The following PHF14 variants were observed in gnomAD, a reference collection of about 807,000 sequenced individuals.
PHF14 encodes the protein PHD finger protein 14.
In PHF14, 55 loss-of-function variants were observed where a neutral mutation model predicts 117.9. The observed-to-expected ratio is 0.47, with a 90% CI of 0.38 to 0.58. The LOEUF is 0.58. Among genes scored for constraint, PHF14 ranks in the 20% least tolerant of loss-of-function variants. PHF14 has a pLI of 0.00. For missense variants in PHF14, 978 were observed against 1,122.2 expected (o/e 0.87, Z 1.84); for synonymous variants, 409 against 368.6 (o/e 1.11, Z -1.26).
At chr7:11,034,221 A>G (rs545866692) in intron 7 of PHF14, among the ~76,000 whole-genome samples, 1 of 151,882 alleles carries the variant, frequency 6.6e-6, no homozygotes, top group African/African-American at 2.4e-5. Context: ...TTGGGTTGTA[A>G]AACTCTACTT....
rs775282192 is a variant in PHF14, at chr7:11,051,665, C to T, written c.2366C>T (p.Ala789Val). 19 of 1,613,290 alleles carry T rather than the reference C, an allele frequency of 1.2e-5. No individual in the cohort carries two copies. The highest frequency in any genetic ancestry group is 1.5e-5 in the Non-Finnish European group (18 of 1,179,594). The change falls in exon 14 of 18, where the codon GCC (alanine) becomes GTC (valine). Residue 789 changes from alanine (A) to valine (V), a missense_variant. Ala to Val is a moderately conservative substitution (Grantham distance 64). Transcript: ENST00000634607. Reference sequence around the variant, plus strand: ...AGCAGTGACATGGAAGCAGATATGGCCATGGAAACCCTACCAGATGGAACC... The same window carrying T: ...AGCAGTGACATGGAAGCAGATATGGTCATGGAAACCCTACCAGATGGAACC... ...AGSSDMEADM[A>V]METLPDGTKR...
intron 6 of PHF14, among the ~76,000 whole-genome samples, chr7:11,025,147 C>G (rs1783864359): frequency 6.6e-6 from 1 of 152,072 alleles, no homozygotes; most frequent in African/African-American, 2.4e-5. Context: ...GCAGAAATAA[C>G]AAGATAACTA....
At chr7:11,157,312 A>C (rs1445581073) in intron 17 of PHF14, among the ~76,000 whole-genome samples, 2 of 152,282 alleles carry the variant, frequency 1.3e-5, no homozygotes, top group South Asian at 4.1e-4. Context: ...TATGAGTCAA[A>C]GGACTAAATG....
intron 16 of PHF14, among the ~76,000 whole-genome samples, chr7:11,093,043 G>A (rs757698897): frequency 2.0e-5 from 3 of 152,152 alleles, no homozygotes; most frequent in Admixed American, 6.5e-5. Context: ...ATACAGTCCT[G>A]CCAAGCAAAA....
intron 16 of PHF14, chr7:11,105,999 G>A (rs1033710966): frequency 1.2e-5 from 12 of 984,694 alleles, no homozygotes; most frequent in Non-Finnish European, 1.4e-5. Context: ...CCAAGGGCAT[G>A]AGCAGATGGA....
At chr7:11,131,517 TAA>T (rs1018773217) in intron 17 of PHF14, among the ~76,000 whole-genome samples, 2 of 152,000 alleles carry the variant, frequency 1.3e-5, no homozygotes, top group Admixed American at 1.3e-4. Context: ...TGTTTAATTT[TAA>T]AGAGTTATTT....
intron 17 of PHF14, among the ~76,000 whole-genome samples, chr7:11,121,714 G>T (rs761248638): frequency 6.6e-6 from 1 of 152,092 alleles, no homozygotes; most frequent in Non-Finnish European, 1.5e-5. Context: ...CTAACGAGCA[G>T]GTAGCACATA....
At chr7:11,023,385 T>TG (rs1329865060) in intron 6 of PHF14, among the ~76,000 whole-genome samples, 1 of 152,230 alleles carries the variant, frequency 6.6e-6, no homozygotes, top group Non-Finnish European at 1.5e-5. Flanking sequence ...GTAATTGTTT[T>TG]GGGGCGTGCC....
At chr7:11,141,325 A>T (rs907390078) in intron 17 of PHF14, among the ~76,000 whole-genome samples, 1 of 152,028 alleles carries the variant, frequency 6.6e-6, no homozygotes, top group African/African-American at 2.4e-5. Context: ...GAATTGTCTG[A>T]AGATATGTAA....
intron 4 of PHF14, among the ~76,000 whole-genome samples, chr7:10,993,344 A>G (rs1782527020): frequency 6.6e-6 from 1 of 151,938 alleles, no homozygotes; most frequent in Admixed American, 6.5e-5. Context: ...AGTCTGCTGG[A>G]CTTGTGGGAC....
At chr7:11,096,502 C>T (rs899339498) in intron 16 of PHF14, among the ~76,000 whole-genome samples, 1 of 152,072 alleles carries the variant, frequency 6.6e-6, no homozygotes, top group East Asian at 1.9e-4. Context: ...GTTCCACTTA[C>T]AGGAGAAAGG....
intron 17 of PHF14, among the ~76,000 whole-genome samples, chr7:11,165,204 T>C (rs908821971): frequency 7.9e-5 from 12 of 152,202 alleles, no homozygotes; most frequent in African/African-American, 2.9e-4. Flanking sequence ...ATTACAGGCG[T>C]GAGCCACTGT....
chr7:11,038,533 C>T (rs148693707), intron 10 of PHF14, among the ~76,000 whole-genome samples: 1 of 151,454 alleles, frequency 6.6e-6, no homozygotes, highest in Non-Finnish European at 1.5e-5. Context: ...TGGTGCACAC[C>T]TGTAGTCCCA....
chr7:11,142,069 TTTG>T (rs1284181836), intron 17 of PHF14, among the ~76,000 whole-genome samples: 1 of 152,044 alleles, frequency 6.6e-6, no homozygotes, highest in East Asian at 1.9e-4. Flanking sequence ...CTTAGGGGTT[TTTG>T]TTGTTGTTAG....
chr7:11,135,352 A>C (rs1788189645), intron 17 of PHF14, among the ~76,000 whole-genome samples: 1 of 152,094 alleles, frequency 6.6e-6, no homozygotes, highest in Non-Finnish European at 1.5e-5. Context: ...GTTCAGCTGC[A>C]CATGTCCACA....
At chr7:11,106,761 A>G (rs1787279366) in intron 16 of PHF14, 1 of 984,222 alleles carries the variant, frequency 1.0e-6, no homozygotes, top group Non-Finnish European at 1.2e-6. Flanking sequence ...TTGTGATGGA[A>G]TTTTTACACA....
intron 16 of PHF14, among the ~76,000 whole-genome samples, chr7:11,092,939 T>C (rs1198925047): frequency 6.6e-6 from 1 of 152,184 alleles, no homozygotes; most frequent in African/African-American, 2.4e-5. Context: ...TTGAATCAGA[T>C]TGGCATGGCA....
chr7:11,156,630 C>G (rs1010931707), intron 17 of PHF14, among the ~76,000 whole-genome samples: 2 of 152,028 alleles, frequency 1.3e-5, no homozygotes, highest in Non-Finnish European at 2.9e-5. Flanking sequence ...CCTATCTCTA[C>G]TAAAAAATAC....
chr7:11,091,855 C>T (rs1204886471), intron 16 of PHF14, among the ~76,000 whole-genome samples: 10 of 152,134 alleles, frequency 6.6e-5, no homozygotes, highest in Admixed American at 6.5e-4. Context: ...GTATTCAATT[C>T]TAATTTTCCG....
Sources: allele counts gnomAD v4.1 joint callset (sites outside exome capture counted in the v4.1 genomes callset), GRCh38; gene constraint gnomAD v4.1.1; transcripts MANE v1.5; gene names NCBI Gene and HGNC (gene_info 2026-07-23, HGNC 2026-07-21).